AMOTL2: variants seen among roughly 807,000 people sequenced by gnomAD.
AMOTL2 encodes angiomotin-like protein 2.
In AMOTL2, 33 loss-of-function variants were observed where a neutral mutation model predicts 78.4. The ratio of observed to expected loss-of-function variants is 0.42; its 90% CI spans 0.32 to 0.56. The LOEUF (loss-of-function observed/expected upper bound fraction) is 0.56. AMOTL2 is among the 20% of genes least tolerant of loss of function. The probability of loss-of-function intolerance (pLI) is 0.12; values close to 1 mark genes in which losing one functional copy is unlikely to be tolerated. For missense variants in AMOTL2, 983 were observed against 1,030.1 expected, an observed-to-expected ratio of 0.95 and a Z score of 0.63; for synonymous variants, 422 against 428.8, an observed-to-expected ratio of 0.98 and a Z score of 0.20.
intron 2 of AMOTL2, 87 bp downstream of exon 2, chr3:134,370,613 C>G: frequency 6.9e-7 from 1 of 1,458,522 alleles, no homozygotes; most frequent in Non-Finnish European, 9.1e-7. Context: ...AGCTCTGACA[C>G]AAGCTGTGAT....
At chr3:134,358,467 C>T (rs2017172066) in intron 9 of AMOTL2, 73 bp downstream of exon 9, 1 of 1,516,418 alleles carries the variant, frequency 6.6e-7, no homozygotes, top group Non-Finnish European at 8.9e-7. Context: ...GAAGAAAAGG[C>T]CTTGTGTTCC....
Position 134,358,350 on chromosome 3 carries a change from A to G in AMOTL2, c.2284+190T>C, listed in dbSNP as rs546525435. Among the ~76,000 whole-genome samples the G allele has an allele frequency of 5.9e-5, 9 of 152,338 alleles. No individual in the cohort carries two copies. In the East Asian group the frequency reaches 1.7e-3, roughly 29 times the overall value. On this transcript the variant is annotated intron_variant, in intron 9 of 9. Coordinates refer to ENST00000249883, the MANE Select transcript of AMOTL2 (RefSeq NM_016201.4). ...GGGTTTCCAATTTCCCTATTCATGC[A>G]ACCAGCCATCCCTCATGTTCACATT...
intron 2 of AMOTL2, among the ~76,000 whole-genome samples, chr3:134,369,811 G>A (rs570353049): frequency 1.1e-4 from 17 of 152,356 alleles, no homozygotes; most frequent in Admixed American, 4.6e-4. Flanking sequence ...ATGCAGCAGT[G>A]ATGGCTGTGT....
chr3:134,362,370 A>G (rs897482473), intron 5 of AMOTL2, among the ~76,000 whole-genome samples: 2 of 152,120 alleles, frequency 1.3e-5, no homozygotes, highest in African/African-American at 2.4e-5. Flanking sequence ...CTTATAGGGG[A>G]GAAACATAGG....
At chr3:134,373,932 G>T in intron 1 of AMOTL2, 1 of 742,520 alleles carries the variant, frequency 1.3e-6, no homozygotes, top group Non-Finnish European at 1.6e-6. Flanking sequence ...CTAGTTGGGG[G>T]CAAAGGCACC....
At chr3:134,375,081 C>T, upstream of AMOTL2, 1 of 1,480,290 alleles carries the variant, frequency 6.8e-7, no homozygotes, top group East Asian at 2.5e-5. Flanking sequence ...CAGCGGCAAC[C>T]TTTGAATGCA....
chr3:134,359,422 G>A lies in AMOTL2; in HGVS notation c.1965C>T (p.Gly655=). The A allele has an allele frequency of 6.2e-7, 1 of 1,614,176 alleles. No individual in the cohort carries two copies. Among genetic ancestry groups the A allele is most frequent in the Non-Finnish European group, 8.5e-7 (1 of 1,180,024 alleles). ...VLQQRSRRDP[G]KAIQGSLRPA... is the part of the protein sequence containing the mutation. ...GCCGCAGGGAGCCCTGGATGGCCTT[G>A]CCAGGGTCTCTCCTGGAGCGCTGCT... The change falls in exon 8 of 10, where the codon GGC becomes GGT. Residue 655 remains glycine (G), a synonymous_variant. Transcript: ENST00000249883.
chr3:134,357,525 C>T lies in AMOTL2; in HGVS notation c.*180G>A. The T allele has an allele frequency of 3.1e-6, 2 of 655,462 alleles. No individual in the cohort carries two copies. Among genetic ancestry groups the T allele is most frequent in the Non-Finnish European group, 2.7e-6 (1 of 364,068 alleles). The allele number at this position is 655,462 out of a possible 1,614,324, so 40.6% of individuals were successfully genotyped here. A position where few individuals can be genotyped will look rare whatever the true frequency, so the allele number is the denominator to read the frequency against. Reference sequence around the variant, plus strand: ...TCTTCTGGGGGTGCCGGTGCTCTCACAGCTCTCCTCTCCCCTGGGGTCCTC... The same window carrying T: ...TCTTCTGGGGGTGCCGGTGCTCTCATAGCTCTCCTCTCCCCTGGGGTCCTC... On this transcript the variant is annotated 3_prime_UTR_variant, in exon 10 of 10. Transcript: ENST00000249883.
rs1428985543 is a variant in AMOTL2, at chr3:134,361,606, C to T, written c.1481G>A (p.Gly494Glu). 6.2e-7 allele frequency: 1 copy of T among 1,612,920 alleles called. No individual in the cohort carries two copies. The highest frequency in any genetic ancestry group is 1.7e-5 in the Admixed American group (1 of 60,008). Reference sequence around the variant, plus strand: ...CTTCTCACAGGCTGCCTGCAGCTGCCCGAGCGCCTGCTGCAGCCGCTCCAC... The same window carrying T: ...CTTCTCACAGGCTGCCTGCAGCTGCTCGAGCGCCTGCTGCAGCCGCTCCAC... Reference protein sequence around the residue: ...EKVERLQQALGQLQAACEKRE... With the variant: ...EKVERLQQALEQLQAACEKRE... Residue 494 changes from glycine to glutamate, a missense_variant, in exon 6 of 10, where the codon GGG becomes GAG. Coordinates refer to ENST00000249883, the MANE Select transcript of AMOTL2 (RefSeq NM_016201.4).
At position 134,371,089 on chromosome 3, in the gene AMOTL2, C is replaced by T. The variant is rs1227009401; in HGVS notation, c.345G>A (p.Gln115=). 6.2e-7 allele frequency: 1 copy of T among 1,612,236 alleles called. No homozygotes were observed. The highest frequency in any genetic ancestry group is 1.3e-5 in the African/African-American group (1 of 74,928). ...PTYEEAKAHS[Q]YYAAQQAGTR... ...TCCCTGCCTGCTGGGCCGCATAGTA[C>T]TGCGAGTGGGCTTTGGCCTCCTCAT... Residue 115 remains glutamine, a synonymous_variant, in exon 2 of 10, where the codon CAG becomes CAA. Transcript: ENST00000249883.
At position 134,355,688 on chromosome 3, in the gene AMOTL2, T is replaced by C. The variant is rs1463901034; in HGVS notation, c.*2017A>G. Among the ~76,000 whole-genome samples, 1 of 152,116 alleles carries C rather than the reference T, an allele frequency of 6.6e-6. No individual in the cohort carries two copies. The highest frequency in any genetic ancestry group is 2.4e-5 in the African/African-American group (1 of 41,424). On this transcript the variant is annotated 3_prime_UTR_variant, in exon 10 of 10. Coordinates refer to ENST00000249883, the MANE Select transcript of AMOTL2 (RefSeq NM_016201.4). ...CCTTCCCCTCCCAGCCTTCAAGAAA[T>C]GTTATCTATGAAAGGGGAAAAATGC...
chr3:134,365,234 A>G (rs1017675875), intron 5 of AMOTL2, among the ~76,000 whole-genome samples: 2 of 152,358 alleles, frequency 1.3e-5, no homozygotes, highest in Admixed American at 6.5e-5. Flanking sequence ...ACATCTGCTA[A>G]TGAATGAATA....
rs750600683 is a variant in AMOTL2, at chr3:134,359,386, C to A, written c.2001G>T (p.Ser667=). Residue 667 remains serine (S), a synonymous_variant, in exon 8 of 10, where the codon TCG becomes TCT. Coordinates refer to ENST00000249883, the MANE Select transcript of AMOTL2 (RefSeq NM_016201.4). ...CCGCAGCCGCGAAAACAGATGGCACCGACTTGGCAGGCCGCAGGGAGCCCT... is the reference window on the plus strand; with the variant it reads ...CCGCAGCCGCGAAAACAGATGGCACAGACTTGGCAGGCCGCAGGGAGCCCT... The part of the protein sequence containing the change: ...AIQGSLRPAK[S]VPSVFAAAAA... The A allele has an allele frequency of 3.1e-5, 50 of 1,614,080 alleles. No homozygotes were observed. The Admixed American group carries it at 7.8e-4, about 25-fold the overall frequency.
intron 2 of AMOTL2, among the ~76,000 whole-genome samples, chr3:134,370,171 A>G (rs1576586844): frequency 6.6e-6 from 1 of 152,196 alleles, no homozygotes; most frequent in Non-Finnish European, 1.5e-5. Flanking sequence ...GGAAATGAAG[A>G]GGAGAGACAA....
At chr3:134,358,458 A>G (rs986230846) in intron 9 of AMOTL2, 82 bp downstream of exon 9, 1 of 1,492,866 alleles carries the variant, frequency 6.7e-7, no homozygotes. Context: ...GGGGTCTGGG[A>G]AGAAAAGGCC....
Position 134,355,924 on chromosome 3 carries a change from G to A in AMOTL2, c.*1781C>T, listed in dbSNP as rs1420234288. On this transcript the variant is annotated 3_prime_UTR_variant, in exon 10 of 10. Transcript: ENST00000249883. ...AAAATACTGTTATACCCAGTGGAAT[G>A]CGGCAGCAATCCTGGTACAGGGTGG... 6.6e-6 allele frequency: 1 copy of A among 152,542 alleles called. No homozygotes were observed. Among genetic ancestry groups the A allele is most frequent in the Non-Finnish European group, 1.5e-5 (1 of 68,040 alleles). The allele number at this position is 152,542 out of a possible 1,614,324, so 9.4% of individuals were successfully genotyped here.
rs2017376625 is a variant in AMOTL2 at position 134,361,757 on chromosome 3, G to T, written c.1330C>A (p.Leu444Met). 6.3e-7 allele frequency: 1 copy of T among 1,586,592 alleles called. No individual in the cohort carries two copies. Among genetic ancestry groups the T allele is most frequent in the Non-Finnish European group, 8.6e-7 (1 of 1,164,470 alleles). Residue 444 changes from leucine to methionine, a missense_variant, in exon 6 of 10, where the codon CTG (leucine) becomes ATG (methionine). Transcript: ENST00000249883. ...QEKLEREMAL[L>M]RGAIEDQRRR... ...CGCTGGTCCTCGATGGCGCCGCGCAGCAGTGCCATCTCTCGCTCCAGCTTC... is the reference window on the plus strand; with the variant it reads ...CGCTGGTCCTCGATGGCGCCGCGCATCAGTGCCATCTCTCGCTCCAGCTTC...
intron 2 of AMOTL2, among the ~76,000 whole-genome samples, chr3:134,370,242 C>T (rs1454068967): frequency 6.6e-6 from 1 of 152,206 alleles, no homozygotes; most frequent in Non-Finnish European, 1.5e-5. Context: ...TGGGCCTTTC[C>T]AGCCTCTAGT....
chr3:134,373,601 G>T, intron 1 of AMOTL2: 1 of 985,486 alleles, frequency 1.0e-6, no homozygotes. Context: ...GCTCCTGCTC[G>T]CCTAAGGAAC....
Sources: gnomAD v4.1 joint callset for allele counts (sites outside exome capture counted in the v4.1 genomes callset) on GRCh38, gnomAD v4.1.1 for gene constraint, MANE v1.5 for transcripts, NCBI Gene and HGNC (gene_info 2026-07-23, HGNC 2026-07-21) for gene names.